Variants in DNAH14 observed in about 807,000 individuals in gnomAD.
The protein encoded by DNAH14 is axonemal beta dynein heavy chain 14.
A neutral mutation model predicts 520.9 loss-of-function variants in DNAH14; 478 were observed. The observed-to-expected ratio is 0.92, with a 90% confidence interval of 0.85 to 0.99. The LOEUF (loss-of-function observed/expected upper bound fraction) is 0.99, where lower values mean the gene tolerates loss of function less well. DNAH14 is among the 50% of genes least tolerant of loss of function. DNAH14 has a pLI of 0.00. For missense variants in DNAH14, 4,831 were observed against 5,234.5 expected, an observed-to-expected ratio of 0.92 and a Z score of 2.38; for synonymous variants, 1,581 against 1,757.2, an observed-to-expected ratio of 0.90 and a Z score of 2.51.
intron 8 of DNAH14, among the ~76,000 whole-genome samples, chr1:224,981,407 G>C (rs748825365): frequency 4.6e-5 from 7 of 152,078 alleles, no homozygotes; most frequent in African/African-American, 9.7e-5. Context: ...CTGTGAATCT[G>C]TCTGGTCCTG....
intron 72 of DNAH14, among the ~76,000 whole-genome samples, chr1:225,353,300 G>A (rs1388333601): frequency 6.6e-6 from 1 of 152,052 alleles, no homozygotes; most frequent in Non-Finnish European, 1.5e-5. Flanking sequence ...AGAGGGGTCA[G>A]TATTAAATAT....
intron 27 of DNAH14, among the ~76,000 whole-genome samples, chr1:225,133,279 T>A (rs2078620871): frequency 6.6e-6 from 1 of 152,224 alleles, no homozygotes; most frequent in Non-Finnish European, 1.5e-5. Flanking sequence ...GCTTTTGGAA[T>A]TTTTTTCATG....
chr1:225,174,683 G>A (rs1362935216), intron 36 of DNAH14, among the ~76,000 whole-genome samples: 1 of 150,648 alleles, frequency 6.6e-6, no homozygotes, highest in Non-Finnish European at 1.5e-5. Context: ...GTGCCTAATT[G>A]CTCTGCCTAG....
chr1:225,052,723 G>C (rs1057250510), intron 17 of DNAH14, among the ~76,000 whole-genome samples: 3 of 152,184 alleles, frequency 2.0e-5, no homozygotes, highest in African/African-American at 7.2e-5. Context: ...ATGGGGGATG[G>C]CGTGGAAACA....
At chr1:225,239,183 G>A (rs1408201525) in intron 42 of DNAH14, among the ~76,000 whole-genome samples, 4 of 152,118 alleles carry the variant, frequency 2.6e-5, no homozygotes, top group Non-Finnish European at 5.9e-5. Context: ...CAGAAATTAT[G>A]GATAGATCTC....
chr1:225,113,054 C>T (rs920069294), intron 23 of DNAH14, among the ~76,000 whole-genome samples: 9 of 151,942 alleles, frequency 5.9e-5, no homozygotes, highest in African/African-American at 2.2e-4. Flanking sequence ...TTGGTGTTGG[C>T]ATTGAAGAGT....
At chr1:224,945,110 C>T (rs2059706888) in intron 1 of DNAH14, among the ~76,000 whole-genome samples, 1 of 152,160 alleles carries the variant, frequency 6.6e-6, no homozygotes, top group Non-Finnish European at 1.5e-5. Flanking sequence ...TTCCATTCTC[C>T]CCGTCATTTT....
At chr1:225,234,258 G>A (rs562660438) in intron 42 of DNAH14, among the ~76,000 whole-genome samples, 103 of 152,152 alleles carry the variant, frequency 6.8e-4, no homozygotes, top group African/African-American at 2.4e-3. Flanking sequence ...GCAGGATCTC[G>A]GCTCACTGCA....
chr1:225,130,770 T>C (rs1177729953), intron 27 of DNAH14, among the ~76,000 whole-genome samples: 2 of 150,794 alleles, frequency 1.3e-5, no homozygotes, highest in African/African-American at 2.4e-5. Context: ...TGTATACATA[T>C]GTAACTAACC....
At chr1:225,376,566 A>T (rs998705488) in intron 78 of DNAH14, among the ~76,000 whole-genome samples, 2 of 152,254 alleles carry the variant, frequency 1.3e-5, no homozygotes, top group Non-Finnish European at 2.9e-5. Flanking sequence ...CATTGGCAGA[A>T]TTATATCAGA....
chr1:225,048,600 G>T (rs2068185040), intron 15 of DNAH14, among the ~76,000 whole-genome samples: 1 of 152,206 alleles, frequency 6.6e-6, no homozygotes, highest in African/African-American at 2.4e-5. Context: ...ATGTATCGCA[G>T]ATTGCTTATC....
rs868559520 is a variant in DNAH14, at chr1:225,281,510, T to C, written c.8271+4008T>C. ...TTGCCATGTAATATAACATATTCAT[T>C]GGTTCCAGAGATCATAATGGGGACA... On this transcript the variant is annotated intron_variant, in intron 54 of 85. Transcript: ENST00000682510. Among the ~76,000 whole-genome samples, 5 of 152,278 alleles carry C rather than the reference T, an allele frequency of 3.3e-5. No homozygotes were observed. In the Middle Eastern group the frequency reaches 0.014, roughly 414 times the overall value.
In DNAH14 at chr1:225,080,595, G is replaced by A. The variant is rs1418604631; in HGVS notation, c.2983G>A (p.Asp995Asn). 5 of 1,552,008 alleles carry A rather than the reference G, an allele frequency of 3.2e-6. No individual in the cohort carries two copies. The highest frequency in any genetic ancestry group is 3.3e-4 in the Middle Eastern group (2 of 6,018). The change falls in exon 19 of 86, where the codon GAC (aspartate) becomes AAC (asparagine). Residue 995 changes from aspartate (D) to asparagine (N), a missense_variant. Coordinates refer to ENST00000682510, the MANE Select transcript of DNAH14 (RefSeq NM_001367479.1). Reference sequence around the variant, plus strand: ...TTCAGAGATCTCTGACATTGAAGGTGACTTGACTTTGAGGAAAAAACTATG... The same window carrying A: ...TTCAGAGATCTCTGACATTGAAGGTAACTTGACTTTGAGGAAAAAACTATG... ...VLSEISDIEG[D>N]LTLRKKLWEA...
chr1:224,973,714 A>T (rs368401319), intron 7 of DNAH14, among the ~76,000 whole-genome samples: 2 of 152,190 alleles, frequency 1.3e-5, no homozygotes, highest in Non-Finnish European at 2.9e-5. Context: ...CTTTTTATCA[A>T]TGTACCTTTT....
rs1484830465 is a variant in DNAH14 at position 224,991,088 on chromosome 1, T to A, written c.831-11695T>A. Among the ~76,000 whole-genome samples, 22 of 98,970 alleles carry A rather than the reference T, an allele frequency of 2.2e-4. No homozygotes were observed. In the East Asian group the frequency reaches 3.6e-3, roughly 16 times the overall value. The allele number at this position is 98,970 out of a possible 152,430, so 64.9% of individuals were successfully genotyped here. On this transcript the variant is annotated intron_variant, in intron 8 of 85. Transcript: ENST00000682510. ...CTAATGATTAGTGATGTTGAGCTTT[T>A]TTTTTTTTTTTTTTTTTTTTTTTTG...
intron 1 of DNAH14, among the ~76,000 whole-genome samples, chr1:224,940,274 A>T (rs2059324028): frequency 6.6e-6 from 1 of 152,178 alleles, no homozygotes; most frequent in East Asian, 1.9e-4. Context: ...CTGGGCCTGG[A>T]ACTGGCTAAT....
At chr1:225,252,462 G>T (rs984233748) in intron 44 of DNAH14, 45 bp downstream of exon 44, 2 of 1,056,326 alleles carry the variant, frequency 1.9e-6, no homozygotes, top group African/African-American at 1.6e-5. Flanking sequence ...TAGAATATTG[G>T]GTATACTCTA....
chr1:225,340,397 A>T, intron 68 of DNAH14, 60 bp from the exon 69 acceptor site: 1 of 1,455,302 alleles, frequency 6.9e-7, no homozygotes, highest in Non-Finnish European at 9.1e-7. Context: ...TTTTAAATAA[A>T]TTGGTTCATT....
intron 31 of DNAH14, among the ~76,000 whole-genome samples, chr1:225,149,683 G>A (rs2149079496): frequency 6.6e-6 from 1 of 152,276 alleles, no homozygotes; most frequent in Non-Finnish European, 1.5e-5. Context: ...TGGCAACAGT[G>A]AATGGGATTG....
Sources: allele counts gnomAD v4.1 joint callset (sites outside exome capture counted in the v4.1 genomes callset), GRCh38; gene constraint gnomAD v4.1.1; transcripts MANE v1.5; gene names NCBI Gene and HGNC (gene_info 2026-07-23, HGNC 2026-07-21).